The following DCAF8L2 variants were observed in gnomAD, a reference collection of about 807,000 sequenced individuals.
DCAF8L2 encodes DDB1- and CUL4-associated factor 8-like protein 2.
For missense variants in DCAF8L2, 430 were observed against 490.7 expected, an observed-to-expected ratio of 0.88 and a Z score of 1.17; for synonymous variants, 200 against 190.9, an observed-to-expected ratio of 1.05 and a Z score of -0.39.
the DCAF8L2 span, among the ~76,000 whole-genome samples, chrX:27,489,333 G>A: frequency 8.9e-6 from 1 of 111,970 alleles, no homozygotes; most frequent in Non-Finnish European, 1.9e-5. Context: ...TCCTGACCTC[G>A]TGATCTGCCC....
At chrX:27,578,562 T>G in the DCAF8L2 span, among the ~76,000 whole-genome samples, 6 of 111,857 alleles carry the variant, frequency 5.4e-5, no homozygotes, top group Non-Finnish European at 7.5e-5. Context: ...AAGTGGGATC[T>G]AATTAACCTA....
At chrX:27,732,316 C>T (rs951246170) in intron 4 of DCAF8L2, among the ~76,000 whole-genome samples, 1 of 111,302 alleles carries the variant, frequency 9.0e-6, no homozygotes. Context: ...TACCATCCTA[C>T]TCTGTTTCTA....
At chrX:27,490,652 G>A in the DCAF8L2 span, among the ~76,000 whole-genome samples, 1 of 110,029 alleles carries the variant, frequency 9.1e-6, no homozygotes, top group East Asian at 2.9e-4. Flanking sequence ...AGTTGAGATG[G>A]GGTTTCACCA....
chrX:27,544,268 A>G, the DCAF8L2 span, among the ~76,000 whole-genome samples: 1 of 111,647 alleles, frequency 9.0e-6, no homozygotes, highest in Non-Finnish European at 1.9e-5. Flanking sequence ...TCAAGATGAT[A>G]GAAAAGCAAC....
chrX:27,687,639 A>C (rs948557913), intron 3 of DCAF8L2, among the ~76,000 whole-genome samples: 2 of 111,787 alleles, frequency 1.8e-5, no homozygotes, highest in Non-Finnish European at 3.8e-5. Context: ...GGATCACTTG[A>C]AGCCAGGAGT....
the DCAF8L2 span, among the ~76,000 whole-genome samples, chrX:27,533,218 GAAAGAAAGAA>G: frequency 6.1e-5 from 3 of 49,484 alleles, no homozygotes; most frequent in African/African-American, 1.5e-4. Flanking sequence ...AAGAAAGAAA[GAAAGAAAGAA>G]AGAAAGAGAA....
the DCAF8L2 span, among the ~76,000 whole-genome samples, chrX:27,514,310 T>TAC: frequency 1.7e-3 from 172 of 99,620 alleles, no homozygotes; most frequent in Middle Eastern, 5.2e-3. Flanking sequence ...TGCACATATG[T>TAC]GTATATGGTA....
chrX:27,494,058 A>T, the DCAF8L2 span, among the ~76,000 whole-genome samples: 3 of 111,781 alleles, frequency 2.7e-5, no homozygotes, highest in Non-Finnish European at 5.6e-5. Flanking sequence ...TGCTTCTATA[A>T]ACCTTCACTT....
At chrX:27,651,095 AT>A (rs914080611) in intron 2 of DCAF8L2, among the ~76,000 whole-genome samples, 1 of 112,230 alleles carries the variant, frequency 8.9e-6, no homozygotes, top group African/African-American at 3.2e-5. Context: ...GGTAAATTAC[AT>A]TTACTAATTT....
intron 1 of DCAF8L2, among the ~76,000 whole-genome samples, chrX:27,628,786 G>A (rs1260220485): frequency 9.1e-6 from 1 of 110,262 alleles, no homozygotes; most frequent in Non-Finnish European, 1.9e-5. Context: ...TGTATTTTTA[G>A]TAGAGACGGG....
At chrX:27,710,614 G>C (rs1029557673) in intron 3 of DCAF8L2, among the ~76,000 whole-genome samples, 1 of 111,867 alleles carries the variant, frequency 8.9e-6, no homozygotes, top group African/African-American at 3.2e-5. Context: ...CCATGATAAA[G>C]TCACTTATTT....
the DCAF8L2 span, among the ~76,000 whole-genome samples, chrX:27,470,339 A>G: frequency 2.7e-5 from 3 of 112,075 alleles, no homozygotes; most frequent in African/African-American, 6.5e-5. Context: ...ATGAAATTGC[A>G]TTGTAGAAAA....
chrX:27,630,534 A>G (rs1192422946), intron 1 of DCAF8L2, among the ~76,000 whole-genome samples: 1 of 111,431 alleles, frequency 9.0e-6, no homozygotes, highest in Non-Finnish European at 1.9e-5. Context: ...CCATCATTAC[A>G]TAATACCAAA....
intron 4 of DCAF8L2, among the ~76,000 whole-genome samples, chrX:27,745,184 T>C (rs1399948314): frequency 8.9e-6 from 1 of 112,266 alleles, no homozygotes; most frequent in East Asian, 2.8e-4. Context: ...ATAAAAAGAA[T>C]AACTGGACAC....
At chrX:27,536,725 A>G in the DCAF8L2 span, among the ~76,000 whole-genome samples, 2 of 110,820 alleles carry the variant, frequency 1.8e-5, no homozygotes, top group African/African-American at 3.3e-5. Context: ...CCAGCCCACC[A>G]TACATGAACC....
In DCAF8L2 at chrX:27,595,976, G is replaced by C. The variant is rs890047328; in HGVS notation, c.-342+5536G>C. On this transcript the variant is annotated intron_variant, in intron 1 of 4. Coordinates refer to ENST00000451261, the MANE Select transcript of DCAF8L2 (RefSeq NM_001353450.2). ...CCCAGGAAGCAGAGGTTGCAGGGAG[G>C]TGAGATTGTGCCATGGCACCCCAGC... is the stretch of plus-strand genomic sequence containing the variant. Among the ~76,000 whole-genome samples the C allele has an allele frequency of 4.5e-5, 5 of 111,958 alleles. No homozygotes were observed. The East Asian group carries it at 1.4e-3, about 32-fold the overall frequency.
rs773910925 is a variant in DCAF8L2 at position 27,715,155 on chromosome X, G to A, written c.-142-933G>A. 2.4e-4 allele frequency among the ~76,000 whole-genome samples: 27 copies of A among 110,553 alleles called. No homozygotes were observed. In the South Asian group the frequency reaches 0.01, roughly 41 times the overall value. On this transcript the variant is annotated intron_variant, in intron 3 of 4. Coordinates refer to ENST00000451261, the MANE Select transcript of DCAF8L2 (RefSeq NM_001353450.2). ...TGCCTGTAATCCCAGCACTTTGGGA[G>A]GCCAAGGTGGACAGATCACGAGGTC...
chrX:27,714,116 C>T (rs773158529), intron 3 of DCAF8L2, among the ~76,000 whole-genome samples: 3 of 111,204 alleles, frequency 2.7e-5, no homozygotes, highest in Non-Finnish European at 5.7e-5. Flanking sequence ...CTTAATTATC[C>T]TACCCATCCC....
the DCAF8L2 span, among the ~76,000 whole-genome samples, chrX:27,558,744 T>G: frequency 9.6e-6 from 1 of 104,651 alleles, no homozygotes; most frequent in Non-Finnish European, 2.0e-5. Context: ...TATCTCCCAG[T>G]GCTATCCCTC....
Sources: gnomAD v4.1 joint callset for allele counts (sites outside exome capture counted in the v4.1 genomes callset) on GRCh38, gnomAD v4.1.1 for gene constraint, MANE v1.5 for transcripts, NCBI Gene and HGNC (gene_info 2026-07-23, HGNC 2026-07-21) for gene names.